Variants in GRM8 observed in about 807,000 individuals in gnomAD.
GRM8 encodes glutamate metabotropic receptor 8.
A neutral mutation model predicts 87.2 loss-of-function variants in GRM8; 47 were observed. The ratio of observed to expected loss-of-function variants is 0.54; its 90% CI spans 0.43 to 0.69. The LOEUF (loss-of-function observed/expected upper bound fraction) is 0.69. GRM8 is among the 30% of genes least tolerant of loss of function. The probability of loss-of-function intolerance (pLI) is 0.00; values close to 1 mark genes in which losing one functional copy is unlikely to be tolerated. For synonymous variants in GRM8, 396 were observed against 404.5 expected (o/e 0.98, Z 0.25); for missense variants, 1,019 against 1,139.2 (o/e 0.89, Z 1.52).
At chr7:126,923,983 G>A (rs1230293298) in intron 3 of GRM8, among the ~76,000 whole-genome samples, 1 of 152,128 alleles carries the variant, frequency 6.6e-6, no homozygotes, top group Non-Finnish European at 1.5e-5. Context: ...ATTTTTTAAT[G>A]TATGGTAGAC....
intron 2 of GRM8, among the ~76,000 whole-genome samples, chr7:127,154,425 C>A (rs773816523): frequency 5.9e-5 from 9 of 152,082 alleles, no homozygotes; most frequent in Non-Finnish European, 1.0e-4. Context: ...AGTCCTTTCT[C>A]TCCCCAGCCC....
At chr7:126,938,984 A>T (rs1168269482) in intron 3 of GRM8, among the ~76,000 whole-genome samples, 3 of 152,180 alleles carry the variant, frequency 2.0e-5, no homozygotes, top group Non-Finnish European at 2.9e-5. Flanking sequence ...CCTGTGGATC[A>T]AATGAGATAA....
In GRM8 at chr7:126,959,792, A is replaced by G. The variant is rs1456235491; in HGVS notation, c.728-55109T>C. Among the ~76,000 whole-genome samples, 3 of 152,160 alleles carry G rather than the reference A, an allele frequency of 2.0e-5. No homozygotes were observed. The East Asian group carries it at 5.8e-4, about 29-fold the overall frequency. On this transcript the variant is annotated intron_variant, in intron 3 of 10. Coordinates refer to ENST00000339582, the MANE Select transcript of GRM8 (RefSeq NM_000845.3). ...TAATTTGATCCTAAGTCATAATTTGATCAGAAGCCATCTGGCCTGGGTTCT... is the reference window on the plus strand; with the variant it reads ...TAATTTGATCCTAAGTCATAATTTGGTCAGAAGCCATCTGGCCTGGGTTCT...
intron 7 of GRM8, among the ~76,000 whole-genome samples, chr7:126,678,144 A>T (rs558523545): frequency 1.5e-4 from 23 of 152,334 alleles, no homozygotes; most frequent in African/African-American, 5.3e-4. Context: ...AACTCAAAAA[A>T]ATAAGATTTT....
intron 6 of GRM8, among the ~76,000 whole-genome samples, chr7:126,775,920 T>G (rs908055004): frequency 3.9e-5 from 6 of 152,158 alleles, no homozygotes; most frequent in Non-Finnish European, 8.8e-5. Context: ...CACTCTTAGG[T>G]CCTTGAATAT....
chr7:127,015,362 A>G (rs572449940), intron 3 of GRM8, among the ~76,000 whole-genome samples: 1 of 152,274 alleles, frequency 6.6e-6, no homozygotes, highest in Non-Finnish European at 1.5e-5. Flanking sequence ...TACATCACAT[A>G]GACCAAACCA....
At chr7:127,103,120 G>A (rs1391409043) in intron 3 of GRM8, among the ~76,000 whole-genome samples, 2 of 152,192 alleles carry the variant, frequency 1.3e-5, no homozygotes, top group Non-Finnish European at 2.9e-5. Context: ...TGGGATTACA[G>A]GCATGAGCCA....
At chr7:126,821,187 T>A (rs1299562330) in intron 6 of GRM8, among the ~76,000 whole-genome samples, 1 of 152,252 alleles carries the variant, frequency 6.6e-6, no homozygotes, top group Non-Finnish European at 1.5e-5. Context: ...AGATGCAATG[T>A]CAATATTTAT....
intron 2 of GRM8, among the ~76,000 whole-genome samples, chr7:127,148,715 C>G (rs960241376): frequency 6.6e-6 from 1 of 151,956 alleles, no homozygotes; most frequent in Non-Finnish European, 1.5e-5. Context: ...AAATAACATG[C>G]TCCTAAACAA....
intron 8 of GRM8, 39 bp downstream of exon 8, chr7:126,609,323 G>A (rs1798674748): frequency 6.5e-7 from 1 of 1,532,092 alleles, no homozygotes; most frequent in South Asian, 1.2e-5. Context: ...CCCTCCTGGA[G>A]AGCTATATAC....
At chr7:126,643,069 T>C (rs11767389) in intron 7 of GRM8, among the ~76,000 whole-genome samples, 23,384 of 151,262 alleles carry the variant, frequency 0.15, 1,881 homozygotes, top group South Asian at 0.2. Flanking sequence ...GGAGGGTGGA[T>C]TGTTTGAGCA....
chr7:126,931,528 T>TA (rs1393936291), intron 3 of GRM8, among the ~76,000 whole-genome samples: 2 of 152,198 alleles, frequency 1.3e-5, no homozygotes, highest in Non-Finnish European at 2.9e-5. Context: ...CCCAAAATAT[T>TA]AATAAAGAAT....
chr7:126,750,986 G>A (rs1030539840), intron 7 of GRM8, among the ~76,000 whole-genome samples: 4 of 152,020 alleles, frequency 2.6e-5, no homozygotes, highest in African/African-American at 7.2e-5. Flanking sequence ...ATGGGTACTA[G>A]ATGTATGCTT....
intron 6 of GRM8, among the ~76,000 whole-genome samples, chr7:126,834,722 GC>G (rs1795685107): frequency 6.6e-6 from 1 of 152,114 alleles, no homozygotes; most frequent in African/African-American, 2.4e-5. Context: ...AACTTCAACA[GC>G]TTCAAAGTGT....
rs542011305 is a variant in GRM8 at position 126,644,622 on chromosome 7, T to C, written c.1358-35124A>G. On this transcript the variant is annotated intron_variant, in intron 7 of 10. Transcript: ENST00000339582. ...ATCTTCCCTATTCTGGAAGACTGTA[T>C]ATACAGTGCAAGTATTATATGATAT... 3.2e-4 allele frequency among the ~76,000 whole-genome samples: 49 copies of C among 152,328 alleles called. No homozygotes were observed. In the South Asian group the frequency reaches 7.0e-3, roughly 22 times the overall value.
rs191757604 is a variant in GRM8, at chr7:126,963,374, T to A, written c.728-58691A>T. Among the ~76,000 whole-genome samples the A allele has an allele frequency of 1.6e-3, 238 of 152,280 alleles. 1 individual carries two copies. The highest frequency in any genetic ancestry group is 5.5e-3 in the African/African-American group (230 of 41,556). ...TAACTATCAATTGAATCTGAATTAT[T>A]TTAAATATACATAACTAGAAAGAGA... On this transcript the variant is annotated intron_variant, in intron 3 of 10. Transcript: ENST00000339582.
intron 2 of GRM8, among the ~76,000 whole-genome samples, chr7:127,137,371 A>G (rs1380974601): frequency 6.6e-6 from 1 of 152,122 alleles, no homozygotes; most frequent in African/African-American, 2.4e-5. Context: ...CCACCTCACT[A>G]CATTATGGGC....
At chr7:126,576,485 G>A (rs1357700343) in intron 8 of GRM8, among the ~76,000 whole-genome samples, 1 of 152,066 alleles carries the variant, frequency 6.6e-6, no homozygotes, top group Non-Finnish European at 1.5e-5. Context: ...GTTTCACCAT[G>A]TTGCCCAGTC....
chr7:126,616,953 A>G (rs949492282), intron 7 of GRM8, among the ~76,000 whole-genome samples: 2 of 152,214 alleles, frequency 1.3e-5, no homozygotes, highest in African/African-American at 4.8e-5. Context: ...AGGTACAATG[A>G]GGAGCTGGTA....
Sources: allele counts gnomAD v4.1 joint callset (sites outside exome capture counted in the v4.1 genomes callset), GRCh38; gene constraint gnomAD v4.1.1; transcripts MANE v1.5; gene names NCBI Gene and HGNC (gene_info 2026-07-23, HGNC 2026-07-21).